The following SCAF11 variants were observed in gnomAD, a reference collection of about 807,000 sequenced individuals.
SCAF11 encodes SR-related CTD associated factor 11, also known as protein SCAF11.
In SCAF11, 47 loss-of-function variants were observed where a neutral mutation model predicts 140.5. The observed-to-expected ratio is 0.33, with a 90% CI of 0.26 to 0.43. The LOEUF is 0.43. Among genes scored for constraint, SCAF11 ranks in the 20% least tolerant of loss-of-function variants. The pLI, the probability that SCAF11 is intolerant of heterozygous loss-of-function variation, is 1.00. For synonymous variants in SCAF11, 557 were observed against 579.4 expected (o/e 0.96, Z 0.55); for missense variants, 1,645 against 1,705.1 (o/e 0.96, Z 0.62).
chr12:45,958,973 G>C (rs568853170), intron 3 of SCAF11, among the ~76,000 whole-genome samples: 1 of 152,154 alleles, frequency 6.6e-6, no homozygotes. Context: ...TTAAGAATGT[G>C]TTCAATGCCT....
Position 45,928,629 on chromosome 12 carries a change from C to A in SCAF11, c.1072G>T (p.Val358Phe). 1 of 1,614,010 alleles carries A rather than the reference C, an allele frequency of 6.2e-7. No individual in the cohort carries two copies. Among genetic ancestry groups the A allele is most frequent in the Non-Finnish European group, 8.5e-7 (1 of 1,179,978 alleles). The change falls in exon 11 of 15, where the codon GTT becomes TTT. Residue 358 changes from valine (V) to phenylalanine (F), a missense_variant. By Grantham distance (50) the Val-to-Phe change is conservative. This residue lies in a region of SCAF11 where 1,582 missense variants were observed against 1,609.2 expected (regional missense o/e 0.98). Transcript: ENST00000369367. ...APGNSNPSLS[V>F]PSSAESEKQT... is the part of the protein sequence containing the mutation. The stretch of plus-strand genomic sequence containing the variant: ...TTTTCTGACTCAGCTGAAGAGGGAA[C>A]ACTTAAAGATGGATTACTGTTACCT...
chr12:45,953,803 G>T, intron 3 of SCAF11: 1 of 632,846 alleles, frequency 1.6e-6, no homozygotes, highest in Non-Finnish European at 2.5e-6. Context: ...AACCTTATTT[G>T]TGAAAATGAG....
In SCAF11 at chr12:45,983,742, A is replaced by AACAAACAC. The variant is rs1555172646; in HGVS notation, c.-22+6610_-22+6611insGTGTTTGT. Among the ~76,000 whole-genome samples, 6 of 133,994 alleles carry AACAAACAC rather than the reference A, an allele frequency of 4.5e-5. No homozygotes were observed. In the South Asian group the frequency reaches 7.8e-4, roughly 17 times the overall value. 87.9% of individuals were successfully genotyped at this position (133,994 alleles called of 152,430 possible). On this transcript the variant is annotated intron_variant, in intron 1 of 14. Coordinates refer to ENST00000369367, the MANE Select transcript of SCAF11 (RefSeq NM_004719.3). Reference sequence around the variant, plus strand: ...AGGTCTGACTGACTCCTAAACCTAAAACACACACACACACACACACACACA... The same window carrying AACAAACAC: ...AGGTCTGACTGACTCCTAAACCTAAAACAAACACACACACACACACACACACACACACA...
chr12:45,988,048 A>C (rs1469986856), intron 1 of SCAF11, among the ~76,000 whole-genome samples: 2 of 152,202 alleles, frequency 1.3e-5, no homozygotes, highest in African/African-American at 4.8e-5. Context: ...TCTGGGCTCT[A>C]CTCAGCACTA....
chr12:45,928,216 G>A lies in SCAF11; in HGVS notation c.1485C>T (p.Leu495=), dbSNP rs763816328. ...LVGEEGEVKK[L]ENTGIEANVL... is the part of the protein sequence containing the mutation. ...CATTAGCCTCTATACCTGTATTCTC[G>A]AGTTTTTTAACTTCCCCTTCCTCAC... The change falls in exon 11 of 15, where the codon CTC becomes CTT. Residue 495 remains leucine (L), a synonymous_variant. Coordinates refer to ENST00000369367, the MANE Select transcript of SCAF11 (RefSeq NM_004719.3). 1.1e-5 allele frequency: 18 copies of A among 1,613,868 alleles called. No individual in the cohort carries two copies. Among genetic ancestry groups the A allele is most frequent in the Admixed American group, 3.3e-5 (2 of 60,006 alleles).
rs763483786 is a variant in SCAF11, at chr12:45,924,882, G to A, written c.3752C>T (p.Pro1251Leu). 4 of 1,614,006 alleles carry A rather than the reference G, an allele frequency of 2.5e-6. No individual in the cohort carries two copies. The East Asian group carries it at 8.9e-5, about 36-fold the overall frequency. The change falls in exon 12 of 15, where the codon CCT becomes CTT. Residue 1251 changes from proline to leucine, a missense_variant. By Grantham distance (98) the Pro-to-Leu change is moderately conservative. Around this residue, in one of 2 missense-constraint regions of SCAF11, gnomAD observed 1,582 missense variants for 1,609.2 expected, o/e 0.98. Coordinates refer to ENST00000369367, the MANE Select transcript of SCAF11 (RefSeq NM_004719.3). ...TGTGTGGAGATGCAAGGGTAGCTGA[G>A]GATGAATGTTAAATGGATTGCGTTG... ...NIQRNPFNIH[P>L]QLPLHLHTGV...
In SCAF11 at chr12:45,990,439, C is replaced by T; in HGVS notation, c.-108G>A. 8.1e-7 allele frequency: 1 copy of T among 1,231,896 alleles called. No homozygotes were observed. Among genetic ancestry groups the T allele is most frequent in the Non-Finnish European group, 1.0e-6 (1 of 988,206 alleles). The allele number at this position is 1,231,896 out of a possible 1,614,324, so 76.3% of individuals were successfully genotyped here. On this transcript the variant is annotated 5_prime_UTR_variant, in exon 1 of 15. The change abolishes an upstream ATG in the 5' untranslated region. Coordinates refer to ENST00000369367, the MANE Select transcript of SCAF11 (RefSeq NM_004719.3). Reference sequence around the variant, plus strand: ...GTCACTCCGCTGCCAAGTTCCCCAACATGGACTCCTTCGTCCGCTTTGTGG... The same window carrying T: ...GTCACTCCGCTGCCAAGTTCCCCAATATGGACTCCTTCGTCCGCTTTGTGG...
chr12:45,988,687 A>G (rs879360010), intron 1 of SCAF11, among the ~76,000 whole-genome samples: 8 of 152,230 alleles, frequency 5.3e-5, no homozygotes, highest in Non-Finnish European at 8.8e-5. Flanking sequence ...TCCCCTTTAT[A>G]CTGAAGAATG....
intron 6 of SCAF11, among the ~76,000 whole-genome samples, chr12:45,940,847 C>T (rs1050086510): frequency 1.2e-4 from 19 of 152,108 alleles, no homozygotes; most frequent in African/African-American, 3.4e-4. Flanking sequence ...CTGGCGCCCA[C>T]GCTGGAGTGC....
chr12:45,927,759 T>C lies in SCAF11; in HGVS notation c.1942A>G (p.Thr648Ala), dbSNP rs866135398. The change falls in exon 11 of 15, where the codon ACA becomes GCA. Residue 648 changes from threonine to alanine, a missense_variant. Transcript: ENST00000369367. ...TCTTCATTCCCAAAAGTATCACATG[T>C]TGCAATTATTTCTACATCTTCAGTT... Reference protein sequence around the residue: ...VETEDVEIIATCDTFGNEDFN... With the variant: ...VETEDVEIIAACDTFGNEDFN... 6.2e-7 allele frequency: 1 copy of C among 1,612,960 alleles called. No individual in the cohort carries two copies. The highest frequency in any genetic ancestry group is 8.5e-7 in the Non-Finnish European group (1 of 1,179,452).
chr12:45,985,378 C>G (rs1946439797), intron 1 of SCAF11, among the ~76,000 whole-genome samples: 2 of 152,154 alleles, frequency 1.3e-5, no homozygotes, highest in African/African-American at 4.8e-5. Context: ...CTCTGACATC[C>G]TGTCCTGGGA....
chr12:45,977,283 A>T (rs1946256713), intron 1 of SCAF11, among the ~76,000 whole-genome samples: 3 of 152,206 alleles, frequency 2.0e-5, no homozygotes, highest in South Asian at 2.1e-4. Context: ...GGAATGAACT[A>T]GCATTTCATT....
intron 3 of SCAF11, chr12:45,955,114 T>G (rs1283552411): frequency 6.6e-6 from 1 of 152,130 alleles, no homozygotes; most frequent in African/African-American, 2.4e-5. Flanking sequence ...AAAGATAATT[T>G]AGTTAACACC....
chr12:45,924,699 T>C (rs1174354806), intron 12 of SCAF11, 29 bp downstream of exon 12: 2 of 1,543,682 alleles, frequency 1.3e-6, no homozygotes, highest in African/African-American at 1.4e-5. Context: ...ATGGCTATAT[T>C]GATTAAACTT....
At chr12:45,938,719 A>G (rs1428392603) in intron 6 of SCAF11, among the ~76,000 whole-genome samples, 3 of 151,598 alleles carry the variant, frequency 2.0e-5, no homozygotes, top group African/African-American at 7.3e-5. Context: ...TGTACGATAC[A>G]AACAAGTATA....
chr12:45,946,097 T>C (rs759722039), intron 5 of SCAF11, among the ~76,000 whole-genome samples: 1 of 152,108 alleles, frequency 6.6e-6, no homozygotes, highest in Non-Finnish European at 1.5e-5. Context: ...AAAGGACCAT[T>C]AGGAAATTCT....
chr12:45,935,010 T>C (rs1241502960), intron 6 of SCAF11: 1 of 152,318 alleles, frequency 6.6e-6, no homozygotes. Flanking sequence ...AGGTATGTTC[T>C]TTCCTTCCAA....
At chr12:45,924,663 C>T in intron 12 of SCAF11, 65 bp downstream of exon 12, 2 of 1,306,130 alleles carry the variant, frequency 1.5e-6, no homozygotes, top group Admixed American at 4.4e-5. Flanking sequence ...TTTTGAACAT[C>T]TGTCATGAAC....
At chr12:45,988,233 G>A (rs545365514) in intron 1 of SCAF11, among the ~76,000 whole-genome samples, 5 of 152,240 alleles carry the variant, frequency 3.3e-5, no homozygotes, top group Admixed American at 3.3e-4. Flanking sequence ...TTGCTAAAGG[G>A]AAGTTACAAT....
Sources: gnomAD v4.1 joint callset for allele counts (sites outside exome capture counted in the v4.1 genomes callset) on GRCh38, gnomAD v4.1.1 for gene constraint, gnomAD v4.1.1 regional missense constraint, MANE v1.5 for transcripts, NCBI Gene and HGNC (gene_info 2026-07-23, HGNC 2026-07-21) for gene names.